PHACTR2: variants seen among roughly 807,000 people sequenced by gnomAD.
PHACTR2 encodes the protein chromosome 6 open reading frame 56.
A neutral mutation model predicts 76.0 loss-of-function variants in PHACTR2; 30 were observed. The ratio of observed to expected loss-of-function variants is 0.39; its 90% confidence interval spans 0.30 to 0.54. PHACTR2 has a LOEUF of 0.54. Ranked by LOEUF, PHACTR2 falls within the 20% of genes least tolerant of loss-of-function variation. The pLI is 0.61. For synonymous variants in PHACTR2, 292 were observed against 292.5 expected, an observed-to-expected ratio of 1.00 and a Z score of 0.02; for missense variants, 696 against 781.1, an observed-to-expected ratio of 0.89 and a Z score of 1.30.
rs1172210812 is a variant in PHACTR2 at position 143,825,868 on chromosome 6, T to A, written c.*2179T>A. ...ATAAAAGGAACAATTTTTTCCCACTTTTGATGCCTGTGATGCAATTTTTTA... is the reference window on the plus strand; with the variant it reads ...ATAAAAGGAACAATTTTTTCCCACTATTGATGCCTGTGATGCAATTTTTTA... On this transcript the variant is annotated 3_prime_UTR_variant, in exon 13 of 13. Coordinates refer to ENST00000440869, the MANE Select transcript of PHACTR2 (RefSeq NM_001100164.2). The surrounding 1 kb of genome is among the most constrained non-coding windows in gnomAD (Gnocchi z 4.1). The A allele has an allele frequency of 1.3e-5, 2 of 152,130 alleles. No homozygotes were observed. The highest frequency in any genetic ancestry group is 2.9e-5 in the Non-Finnish European group (2 of 68,008). The allele number at this position is 152,130 out of a possible 1,614,324, so 9.4% of individuals were successfully genotyped here.
At chr6:143,609,303 C>A (rs780828039) in intron 1 of PHACTR2, among the ~76,000 whole-genome samples, 1 of 152,258 alleles carries the variant, frequency 6.6e-6, no homozygotes, top group Admixed American at 6.5e-5. Flanking sequence ...TTAAAGTCAG[C>A]GTGTATTAGG....
chr6:143,651,701 G>T (rs1289942795), intron 1 of PHACTR2, among the ~76,000 whole-genome samples: 2 of 152,046 alleles, frequency 1.3e-5, no homozygotes, highest in African/African-American at 4.8e-5. Flanking sequence ...GGGTGGGAGG[G>T]TGCAGGGAGG....
At position 143,751,725 on chromosome 6, in the gene PHACTR2, G is replaced by A. The variant is rs150221957; in HGVS notation, c.296-2029G>A. Among the ~76,000 whole-genome samples, 449 of 150,470 alleles carry A rather than the reference G, an allele frequency of 3.0e-3. 3 individuals are homozygous for A. The highest frequency in any genetic ancestry group is 4.9e-3 in the Non-Finnish European group (332 of 67,768). On this transcript the variant is annotated intron_variant, in intron 3 of 12. Coordinates refer to ENST00000440869, the MANE Select transcript of PHACTR2 (RefSeq NM_001100164.2). The surrounding 1 kb of genome is among the most constrained non-coding windows in gnomAD (Gnocchi z 5.7). ...CTCGTGAGATGTGTTGACTTGGGCC[G>A]CTTATTGTCACCTGCCATCCAGCTC...
In PHACTR2 at chr6:143,800,272, A is replaced by AT. The variant is rs1775921440; in HGVS notation, c.1846-6778dup. Reference sequence around the variant, plus strand: ...CATCCCTTTATTTTTTTTATTTTTTATTTTTTTGAGACCGAGTCTGGCTCT... The same window carrying AT: ...CATCCCTTTATTTTTTTTATTTTTTATTTTTTTTGAGACCGAGTCTGGCTCT... On this transcript the variant is annotated intron_variant, in intron 11 of 12. Transcript: ENST00000440869. This position sits in a 1 kb window ranked among gnomAD's most constrained non-coding sequence, Gnocchi z 4.8. Among the ~76,000 whole-genome samples the AT allele has an allele frequency of 6.7e-6, 1 of 148,888 alleles. No individual in the cohort carries two copies. Among genetic ancestry groups the AT allele is most frequent in the Admixed American group, 6.7e-5 (1 of 15,006 alleles).
chr6:143,676,293 A>C (rs1231796037), upstream of PHACTR2, among the ~76,000 whole-genome samples: 1 of 152,194 alleles, frequency 6.6e-6, no homozygotes, highest in East Asian at 1.9e-4. This position sits in a 1 kb window ranked among gnomAD's most constrained non-coding sequence, Gnocchi z 4.8. Context: ...ACTATAGTGC[A>C]CCTCCTTGAT....
At chr6:143,725,694 G>A (rs945618316) in intron 2 of PHACTR2, among the ~76,000 whole-genome samples, 4 of 151,786 alleles carry the variant, frequency 2.6e-5, no homozygotes, top group African/African-American at 9.7e-5. Context: ...AAATTAGCTG[G>A]GCATCGCCTG....
At chr6:143,712,228 C>A in intron 2 of PHACTR2, 45 bp downstream of exon 2, 1 of 1,279,838 alleles carries the variant, frequency 7.8e-7, no homozygotes, top group Non-Finnish European at 1.0e-6. Flanking sequence ...AATTGTAAAA[C>A]GTTTTAAAAG....
intron 4 of PHACTR2, among the ~76,000 whole-genome samples, chr6:143,758,852 A>G (rs1779366326): frequency 6.6e-6 from 1 of 152,206 alleles, no homozygotes; most frequent in Non-Finnish European, 1.5e-5. Context: ...ATATATGTGG[A>G]TTGATGGGGA....
At chr6:143,771,745 A>G (rs1775157259) in intron 6 of PHACTR2, among the ~76,000 whole-genome samples, 1 of 152,116 alleles carries the variant, frequency 6.6e-6, no homozygotes, top group Non-Finnish European at 1.5e-5. Context: ...CCATATATTA[A>G]TGAAAGAAGA....
rs1157210699 is a variant in PHACTR2, at chr6:143,777,039, G to A, written c.1590-289G>A. On this transcript the variant is annotated intron_variant, in intron 8 of 12. Coordinates refer to ENST00000440869, the MANE Select transcript of PHACTR2 (RefSeq NM_001100164.2). This position sits in a 1 kb window ranked among gnomAD's most constrained non-coding sequence, Gnocchi z 4.6. ...ATCCCATTGCAGAAACTCAGTCACA[G>A]CACGATACCTGGCTTCTAGGGAGGC... is the stretch of plus-strand genomic sequence containing the variant. 6.6e-6 allele frequency among the ~76,000 whole-genome samples: 1 copy of A among 152,056 alleles called. No individual in the cohort carries two copies. The highest frequency in any genetic ancestry group is 1.5e-5 in the Non-Finnish European group (1 of 68,016).
At position 143,544,656 on chromosome 6, in the gene PHACTR2, A is replaced by C. The variant is rs940095137; in HGVS notation, c.217+7449A>C. 2.0e-5 allele frequency among the ~76,000 whole-genome samples: 3 copies of C among 152,242 alleles called. No homozygotes were observed. In the East Asian group the frequency reaches 5.8e-4, roughly 29 times the overall value. On this transcript the variant is annotated intron_variant, in intron 1 of 11. Transcript: ENST00000367584. ...TCCATTGTAAGGCTTACTGTGCTGC[A>C]TTCAAATGATGCATGGATTTTTCTC... is the stretch of plus-strand genomic sequence containing the variant.
At chr6:143,551,281 A>G (rs893073878) in intron 1 of PHACTR2, among the ~76,000 whole-genome samples, 82 of 152,092 alleles carry the variant, frequency 5.4e-4, no homozygotes, top group African/African-American at 1.8e-3. Context: ...TTCCATTCAT[A>G]CATACCTATG....
intron 6 of PHACTR2, among the ~76,000 whole-genome samples, chr6:143,771,194 GTATATATATATATATATATATA>G (rs769993035): frequency 0.014 from 580 of 40,480 alleles, 42 homozygotes; most frequent in African/African-American, 0.055. Flanking sequence ...ATATATGTGT[GTATATATATATATATATATATA>G]TATATATATA....
chr6:143,790,849 A>G lies in PHACTR2; in HGVS notation c.1845+1939A>G, dbSNP rs114852338. On this transcript the variant is annotated intron_variant, in intron 11 of 12. Transcript: ENST00000440869. ...CCACCACGCCCAGCTATTTTTTACAAAATATTTTTAGTAGAGATGGGGTTT... is the reference window on the plus strand; with the variant it reads ...CCACCACGCCCAGCTATTTTTTACAGAATATTTTTAGTAGAGATGGGGTTT... 6.9e-3 allele frequency among the ~76,000 whole-genome samples: 1,045 copies of G among 151,836 alleles called. 12 individuals carry two copies. The highest frequency in any genetic ancestry group is 0.024 in the African/African-American group (1,001 of 41,386).
At chr6:143,747,097 A>G (rs1337311707) in intron 2 of PHACTR2, among the ~76,000 whole-genome samples, 3 of 152,210 alleles carry the variant, frequency 2.0e-5, no homozygotes, top group African/African-American at 7.2e-5. Context: ...AAGTTTGACA[A>G]AATGTGCAGT....
intron 6 of PHACTR2, among the ~76,000 whole-genome samples, chr6:143,770,695 A>G (rs539978209): frequency 2.7e-4 from 41 of 152,286 alleles, no homozygotes; most frequent in African/African-American, 8.9e-4. Context: ...TATTGCTGGA[A>G]GAACTTTTTA....
intron 1 of PHACTR2, among the ~76,000 whole-genome samples, chr6:143,650,604 G>A (rs962621741): frequency 8.5e-5 from 13 of 152,144 alleles, no homozygotes; most frequent in African/African-American, 2.9e-4. Flanking sequence ...TTTAATAAAT[G>A]GTGCTGGGAG....
At position 143,801,668 on chromosome 6, in the gene PHACTR2, T is replaced by C. The variant is rs987852318; in HGVS notation, c.1846-5389T>C. Among the ~76,000 whole-genome samples the C allele has an allele frequency of 1.3e-5, 2 of 152,200 alleles. No homozygotes were observed. The highest frequency in any genetic ancestry group is 4.8e-5 in the African/African-American group (2 of 41,464). On this transcript the variant is annotated intron_variant, in intron 11 of 12. Transcript: ENST00000440869. The surrounding 1 kb of genome is among the most constrained non-coding windows in gnomAD (Gnocchi z 4.6). ...CATGCTCCTTTAGCTCGGAGAAGTTTGTTATTACTGACCTTCTGAAGCCTA... is the reference window on the plus strand; with the variant it reads ...CATGCTCCTTTAGCTCGGAGAAGTTCGTTATTACTGACCTTCTGAAGCCTA...
chr6:143,826,636 A>T lies in PHACTR2; in HGVS notation c.*2947A>T. 6.6e-6 allele frequency: 1 copy of T among 152,330 alleles called. No individual in the cohort carries two copies. The highest frequency in any genetic ancestry group is 1.9e-4 in the East Asian group (1 of 5,166). 9.4% of individuals were successfully genotyped at this position (152,330 alleles called of 1,614,324 possible). On this transcript the variant is annotated 3_prime_UTR_variant, in exon 13 of 13. Transcript: ENST00000440869. ...ATATTAGGGTATTAAGAAGATGCTC[A>T]GCAAGCTTGATCAGAATCTTCATGG...
Sources: gnomAD v4.1 joint callset for allele counts (sites outside exome capture counted in the v4.1 genomes callset) on GRCh38, gnomAD v4.1.1 for gene constraint, Gnocchi (gnomAD v3.1) non-coding constraint, MANE v1.5 for transcripts, NCBI Gene and HGNC (gene_info 2026-07-23, HGNC 2026-07-21) for gene names.